CAPZB: variants seen among roughly 807,000 people sequenced by gnomAD.
CAPZB encodes F-actin-capping protein subunit beta.
A neutral mutation model predicts 38.1 loss-of-function variants in CAPZB; 2 were observed. That is an observed-to-expected ratio of 0.05 (90% CI 0.02 to 0.17). The LOEUF (loss-of-function observed/expected upper bound fraction) is 0.17. Ranked by LOEUF, CAPZB falls within the 10% of genes least tolerant of loss-of-function variation. CAPZB has a pLI of 1.00. For synonymous variants in CAPZB, 107 were observed against 127.4 expected (o/e 0.84, Z 1.08); for missense variants, 161 against 334.2 (o/e 0.48, Z 4.04).
chr1:19,441,750 A>C (rs2094477353), intron 1 of CAPZB, among the ~76,000 whole-genome samples: 1 of 151,766 alleles, frequency 6.6e-6, no homozygotes, highest in Non-Finnish European at 1.5e-5. Flanking sequence ...GCTCATGCCT[A>C]TAATCCCAGC....
chr1:19,391,036 G>A (rs989978501), intron 2 of CAPZB, among the ~76,000 whole-genome samples: 6 of 151,614 alleles, frequency 4.0e-5, no homozygotes, highest in Non-Finnish European at 8.8e-5. Context: ...AGCACAGCTA[G>A]GTTCAAAAAG....
intron 1 of CAPZB, among the ~76,000 whole-genome samples, chr1:19,453,031 C>G (rs897250994): frequency 2.6e-5 from 4 of 152,006 alleles, no homozygotes; most frequent in African/African-American, 9.7e-5. Flanking sequence ...TCTCGAACTC[C>G]TGACCTCAGG....
chr1:19,375,081 T>C (rs1032415867), intron 4 of CAPZB, among the ~76,000 whole-genome samples: 1 of 152,192 alleles, frequency 6.6e-6, no homozygotes, highest in Non-Finnish European at 1.5e-5. Context: ...CAGGGCCTGC[T>C]GTGGTCACTT....
At chr1:19,394,761 G>A (rs2094256929) in intron 2 of CAPZB, among the ~76,000 whole-genome samples, 1 of 152,098 alleles carries the variant, frequency 6.6e-6, no homozygotes, top group Non-Finnish European at 1.5e-5. Flanking sequence ...AAGTGAGCAA[G>A]CCACGCAACA....
chr1:19,382,216 T>C (rs1055188700), intron 3 of CAPZB, among the ~76,000 whole-genome samples: 2 of 152,172 alleles, frequency 1.3e-5, no homozygotes, highest in African/African-American at 2.4e-5. Context: ...TCACAGACGA[T>C]AGCATTTCAA....
intron 2 of CAPZB, among the ~76,000 whole-genome samples, chr1:19,396,667 G>A (rs1476632128): frequency 2.0e-5 from 3 of 151,950 alleles, no homozygotes; most frequent in Non-Finnish European, 4.4e-5. Flanking sequence ...TTGGCCAGAC[G>A]CAGTGGCTCA....
chr1:19,429,359 T>C (rs945400562), intron 1 of CAPZB, among the ~76,000 whole-genome samples: 7 of 152,052 alleles, frequency 4.6e-5, no homozygotes, highest in Admixed American at 3.9e-4. Context: ...AGCCCACAAA[T>C]AGTTTGTAAG....
At chr1:19,367,873 T>G (rs960169227) in intron 4 of CAPZB, among the ~76,000 whole-genome samples, 1 of 152,212 alleles carries the variant, frequency 6.6e-6, no homozygotes, top group African/African-American at 2.4e-5. Context: ...GCCGGCTATC[T>G]GGCTCTGGGA....
intron 1 of CAPZB, among the ~76,000 whole-genome samples, chr1:19,445,565 T>C (rs2094493229): frequency 1.3e-5 from 2 of 152,148 alleles, no homozygotes; most frequent in African/African-American, 4.8e-5. Context: ...CAATAATAAC[T>C]TGGTTCCCAT....
At chr1:19,373,461 A>G (rs1281351120) in intron 4 of CAPZB, among the ~76,000 whole-genome samples, 1 of 152,174 alleles carries the variant, frequency 6.6e-6, no homozygotes, top group African/African-American at 2.4e-5. Context: ...TTACAGAGCC[A>G]GGGATCAAAG....
chr1:19,461,280 A>C (rs1415009588), intron 1 of CAPZB, among the ~76,000 whole-genome samples: 1 of 149,312 alleles, frequency 6.7e-6, no homozygotes, highest in Non-Finnish European at 1.5e-5. Context: ...GGCAAGCCTC[A>C]GCATAGGTCA....
Position 19,442,627 on chromosome 1 carries a change from C to A in CAPZB, c.4-22877G>T, listed in dbSNP as rs561207878. Among the ~76,000 whole-genome samples, 8 of 152,288 alleles carry A rather than the reference C, an allele frequency of 5.3e-5. No homozygotes were observed. The South Asian group carries it at 1.2e-3, about 24-fold the overall frequency. On this transcript the variant is annotated intron_variant, in intron 1 of 8. Coordinates refer to ENST00000264202, the MANE Select transcript of CAPZB (RefSeq NM_004930.5). ...TCTCACACTCACACTCGCACTCGGT[C>A]CAGGAAAGCCCTCCCGGGGCAGGGG...
At chr1:19,355,626 C>A (rs768883327) in intron 6 of CAPZB, among the ~76,000 whole-genome samples, 2 of 152,216 alleles carry the variant, frequency 1.3e-5, no homozygotes, top group Non-Finnish European at 2.9e-5. Context: ...AGTGGACAGT[C>A]AGGGACTGCT....
chr1:19,421,814 G>A (rs978447325), intron 1 of CAPZB, among the ~76,000 whole-genome samples: 3 of 152,180 alleles, frequency 2.0e-5, no homozygotes, highest in Non-Finnish European at 2.9e-5. Flanking sequence ...CTTAGAGAGT[G>A]ACAATAATTT....
At chr1:19,458,222 G>T (rs773242545) in intron 1 of CAPZB, among the ~76,000 whole-genome samples, 6 of 151,972 alleles carry the variant, frequency 3.9e-5, no homozygotes, top group Non-Finnish European at 7.4e-5. Context: ...AGCCATTTCT[G>T]ACCTACACAA....
chr1:19,462,190 T>C (rs1570339848), intron 1 of CAPZB, among the ~76,000 whole-genome samples: 2 of 151,494 alleles, frequency 1.3e-5, no homozygotes. Flanking sequence ...CGGTGGCTCA[T>C]GCCTGTAATA....
At chr1:19,423,423 C>T (rs964568671) in intron 1 of CAPZB, among the ~76,000 whole-genome samples, 5 of 150,506 alleles carry the variant, frequency 3.3e-5, no homozygotes, top group South Asian at 2.1e-4. Flanking sequence ...GGAAATGGAA[C>T]GATGGGGACA....
chr1:19,427,499 T>A (rs920274280), intron 1 of CAPZB, among the ~76,000 whole-genome samples: 1 of 152,216 alleles, frequency 6.6e-6, no homozygotes, highest in African/African-American at 2.4e-5. Flanking sequence ...ATAAGCAACT[T>A]TGTTTAAACG....
At chr1:19,433,934 A>G (rs887551953) in intron 1 of CAPZB, among the ~76,000 whole-genome samples, 1 of 152,264 alleles carries the variant, frequency 6.6e-6, no homozygotes, top group Non-Finnish European at 1.5e-5. Context: ...AGAGCACAAC[A>G]GAATTCTGCA....
Sources: allele counts gnomAD v4.1 joint callset (sites outside exome capture counted in the v4.1 genomes callset), GRCh38; gene constraint gnomAD v4.1.1; transcripts MANE v1.5; gene names NCBI Gene and HGNC (gene_info 2026-07-23, HGNC 2026-07-21).